ATP8A2: variants seen among roughly 807,000 people sequenced by gnomAD.
The protein encoded by ATP8A2 is ATPase phospholipid transporting 8A2, also known as phospholipid-transporting ATPase IB.
ATP8A2 carries 100 observed loss-of-function variants against 165.6 expected under a neutral mutation model. The observed-to-expected ratio is 0.60, with a 90% CI of 0.51 to 0.71. ATP8A2 has a LOEUF of 0.71. Ranked by LOEUF, ATP8A2 falls within the 30% of genes least tolerant of loss-of-function variation. The pLI, the probability that ATP8A2 is intolerant of heterozygous loss-of-function variation, is 0.00. For synonymous variants in ATP8A2, 543 were observed against 548.8 expected, an observed-to-expected ratio of 0.99 and a Z score of 0.15; for missense variants, 1,227 against 1,479.5, an observed-to-expected ratio of 0.83 and a Z score of 2.80.
intron 33 of ATP8A2, among the ~76,000 whole-genome samples, chr13:25,886,155 C>T (rs1025567679): frequency 6.6e-6 from 1 of 152,190 alleles, no homozygotes; most frequent in Non-Finnish European, 1.5e-5. Flanking sequence ...TGTTATATCA[C>T]GTCTTGGATA....
At chr13:25,673,089 A>G (rs7339422) in intron 24 of ATP8A2, among the ~76,000 whole-genome samples, 19,065 of 152,156 alleles carry the variant, frequency 0.13, 1,355 homozygotes, top group Admixed American at 0.2. Context: ...TATTAGATTA[A>G]AAATCACAGG....
intron 31 of ATP8A2, 131 bp from the exon 32 acceptor site, chr13:25,860,673 A>G (rs1409281878): frequency 2.9e-6 from 2 of 689,236 alleles, no homozygotes; most frequent in Non-Finnish European, 5.2e-6. Flanking sequence ...AGCTACTGAC[A>G]TGGCTGGTGC....
At chr13:25,714,011 T>A (rs1031586941) in intron 25 of ATP8A2, among the ~76,000 whole-genome samples, 3 of 152,118 alleles carry the variant, frequency 2.0e-5, no homozygotes, top group Admixed American at 1.3e-4. Context: ...TTTATTAGCT[T>A]CTCTAATGCT....
chr13:25,908,188 T>C (rs1407313755), intron 33 of ATP8A2, among the ~76,000 whole-genome samples: 1 of 151,786 alleles, frequency 6.6e-6, no homozygotes, highest in Non-Finnish European at 1.5e-5. Flanking sequence ...TACCGAGGCG[T>C]GCTTTCTTTG....
At chr13:25,997,829 AGTGT>A (rs1356004605) in intron 35 of ATP8A2, among the ~76,000 whole-genome samples, 1 of 151,658 alleles carries the variant, frequency 6.6e-6, no homozygotes, top group Non-Finnish European at 1.5e-5. Flanking sequence ...TTTTCTTTTA[AGTGT>A]GTTCATAATT....
chr13:25,689,668 T>G (rs2042680526), intron 24 of ATP8A2, among the ~76,000 whole-genome samples: 1 of 152,178 alleles, frequency 6.6e-6, no homozygotes, highest in Non-Finnish European at 1.5e-5. Context: ...GTTGGAGTGA[T>G]GATATTAAAT....
intron 19 of ATP8A2, among the ~76,000 whole-genome samples, chr13:25,575,611 A>G (rs1415156045): frequency 6.6e-6 from 1 of 152,178 alleles, no homozygotes; most frequent in Non-Finnish European, 1.5e-5. Context: ...ACTATTTTTA[A>G]TAAGGATTAG....
At chr13:25,443,300 T>G (rs2034983076) in intron 1 of ATP8A2, among the ~76,000 whole-genome samples, 1 of 152,186 alleles carries the variant, frequency 6.6e-6, no homozygotes, top group African/African-American at 2.4e-5. Flanking sequence ...TACTTTAACA[T>G]GAAAAGTTTC....
At chr13:25,413,175 A>G (rs2034021739) in intron 1 of ATP8A2, among the ~76,000 whole-genome samples, 1 of 151,318 alleles carries the variant, frequency 6.6e-6, no homozygotes, top group African/African-American at 2.4e-5. Flanking sequence ...TTTGTGCTTG[A>G]TTTTTTGGTG....
intron 1 of ATP8A2, among the ~76,000 whole-genome samples, chr13:25,457,981 G>T (rs1381872431): frequency 6.6e-6 from 1 of 152,154 alleles, no homozygotes; most frequent in African/African-American, 2.4e-5. Context: ...TGGAAGTAGA[G>T]CATTGGGTTC....
At chr13:25,584,640 T>C (rs2138261905) in intron 23 of ATP8A2, among the ~76,000 whole-genome samples, 1 of 152,352 alleles carries the variant, frequency 6.6e-6, no homozygotes, top group African/African-American at 2.4e-5. Context: ...TTCCCAGGGC[T>C]ATACCCTACT....
Position 25,468,965 on chromosome 13 carries a change from C to T in ATP8A2, c.77-12C>T. 6.2e-7 allele frequency: 1 copy of T among 1,613,388 alleles called. No homozygotes were observed. Among genetic ancestry groups the T allele is most frequent in the East Asian group, 2.2e-5 (1 of 44,822 alleles). On this transcript the variant is annotated splice_polypyrimidine_tract_variant and intron_variant, in intron 1 of 36. Transcript: ENST00000381655. Reference sequence around the variant, plus strand: ...TTGTGTCGTATTCTCTGCCTGCGCCCTGTCTCTGCAGGACCTGTTCGTTCT... The same window carrying T: ...TTGTGTCGTATTCTCTGCCTGCGCCTTGTCTCTGCAGGACCTGTTCGTTCT...
intron 33 of ATP8A2, among the ~76,000 whole-genome samples, chr13:25,945,239 A>T (rs1955181124): frequency 6.6e-6 from 1 of 152,168 alleles, no homozygotes; most frequent in Admixed American, 6.5e-5. Context: ...TATGTGTGTG[A>T]ATCGTTAGCC....
At chr13:25,687,624 C>T (rs185839904) in intron 24 of ATP8A2, among the ~76,000 whole-genome samples, 11 of 152,294 alleles carry the variant, frequency 7.2e-5, no homozygotes, top group Middle Eastern at 3.4e-3. Context: ...TTGGTCCCCA[C>T]CCCTCCCCAG....
At chr13:25,466,186 C>G (rs1002994161) in intron 1 of ATP8A2, among the ~76,000 whole-genome samples, 5 of 152,184 alleles carry the variant, frequency 3.3e-5, no homozygotes, top group African/African-American at 1.2e-4. Flanking sequence ...CATCCACAGT[C>G]TGGCCACAGG....
chr13:25,390,700 T>C (rs1566098400), intron 1 of ATP8A2, among the ~76,000 whole-genome samples: 3 of 152,126 alleles, frequency 2.0e-5, no homozygotes, highest in Non-Finnish European at 1.5e-5. Context: ...GAGGCCAAGC[T>C]GGGTGGATCA....
intron 33 of ATP8A2, among the ~76,000 whole-genome samples, chr13:25,912,114 C>T (rs1245867167): frequency 1.3e-5 from 2 of 150,634 alleles, no homozygotes; most frequent in African/African-American, 2.4e-5. Context: ...TGGAATCAAC[C>T]TAAGTGTCAA....
intron 24 of ATP8A2, among the ~76,000 whole-genome samples, chr13:25,697,627 T>C (rs181102512): frequency 4.7e-4 from 72 of 152,314 alleles, no homozygotes; most frequent in Admixed American, 7.8e-4. Flanking sequence ...GGAAGAAGAA[T>C]GGGTTTTACT....
intron 25 of ATP8A2, among the ~76,000 whole-genome samples, chr13:25,718,463 G>T (rs1207558777): frequency 1.3e-5 from 2 of 152,038 alleles, no homozygotes; most frequent in Non-Finnish European, 2.9e-5. Context: ...TTTGGTTTGG[G>T]TTATGAGTGC....
Sources: gnomAD v4.1 joint callset for allele counts (sites outside exome capture counted in the v4.1 genomes callset) on GRCh38, gnomAD v4.1.1 for gene constraint, MANE v1.5 for transcripts, NCBI Gene and HGNC (gene_info 2026-07-23, HGNC 2026-07-21) for gene names.